AHRR: variants seen among roughly 807,000 people sequenced by gnomAD.
AHRR encodes ahR repressor.
Under a neutral mutation model 44.0 loss-of-function variants are expected in AHRR, and 28 were observed. The ratio of observed to expected loss-of-function variants is 0.64; its 90% confidence interval spans 0.47 to 0.87. AHRR has a LOEUF of 0.87. Among genes scored for constraint, AHRR ranks in the 40% least tolerant of loss-of-function variants. The pLI is 0.00. For missense variants in AHRR, 990 were observed against 953.9 expected (o/e 1.04, Z -0.50); for synonymous variants, 434 against 407.0 (o/e 1.07, Z -0.80).
At chr5:332,240 G>A (rs376804982) in intron 1 of AHRR, among the ~76,000 whole-genome samples, 1 of 142,678 alleles carries the variant, frequency 7.0e-6, no homozygotes, top group East Asian at 2.1e-4. Context: ...AGGAAAAAAA[G>A]AAGAAAGAAA....
At position 387,400 on chromosome 5, in the gene AHRR, G is replaced by GA. The variant is rs2126462490; in HGVS notation, c.351+10690dup. On this transcript the variant is annotated intron_variant, in intron 4 of 10. Coordinates refer to ENST00000684583, the MANE Select transcript of AHRR (RefSeq NM_001377236.1). This position sits in a 1 kb window ranked among gnomAD's most constrained non-coding sequence, Gnocchi z 5.1. ...GGACAAAGTGGTGAGAGAAAGGGAG[G>GA]AAAAAATAATGAGGATTGCCCTCTT... is the stretch of plus-strand genomic sequence containing the variant. 6.6e-6 allele frequency among the ~76,000 whole-genome samples: 1 copy of GA among 152,332 alleles called. No homozygotes were observed. Among genetic ancestry groups the GA allele is most frequent in the South Asian group, 2.1e-4 (1 of 4,826 alleles).
Position 422,849 on chromosome 5 carries a change from T to C in AHRR, c.562T>C (p.Leu188=). The change falls in exon 6 of 11, where the codon TTG becomes CTG. Residue 188 remains leucine (L), a synonymous_variant. Coordinates refer to ENST00000684583, the MANE Select transcript of AHRR (RefSeq NM_001377236.1). ...PQVVFGQPPP[L]ETGDDAILGR... ...GGTGGTGTTTGGGCAGCCCCCGCCC[T>C]TGGAGACAGGTGGGTGTCTGGGGTC... The C allele has an allele frequency of 2.5e-6, 4 of 1,611,086 alleles. No homozygotes were observed. The highest frequency in any genetic ancestry group is 3.4e-6 in the Non-Finnish European group (4 of 1,178,108).
chr5:343,551 C>T lies in AHRR; in HGVS notation c.-10-342C>T, dbSNP rs1016200985. On this transcript the variant is annotated intron_variant, in intron 1 of 10. Transcript: ENST00000684583. ...GGCCTTGGCTGCGCCCCGCCCCGCCCGTTCCTGGCTTCCTCGATGGCTTCC... is the reference window on the plus strand; with the variant it reads ...GGCCTTGGCTGCGCCCCGCCCCGCCTGTTCCTGGCTTCCTCGATGGCTTCC... 4.0e-5 allele frequency: 13 copies of T among 327,090 alleles called. No homozygotes were observed. The South Asian group carries it at 4.6e-4, about 12-fold the overall frequency. The allele number at this position is 327,090 out of a possible 1,614,324, so 20.3% of individuals were successfully genotyped here.
chr5:330,514 C>T (rs1202297594), intron 1 of AHRR, among the ~76,000 whole-genome samples: 1 of 152,088 alleles, frequency 6.6e-6, no homozygotes, highest in Non-Finnish European at 1.5e-5. Context: ...GCTAGGCTTA[C>T]AGGTGCACAC....
chr5:432,937 G>T lies in AHRR; in HGVS notation c.1102G>T (p.Gly368Trp), dbSNP rs762536183. The T allele has an allele frequency of 2.5e-6, 4 of 1,605,442 alleles. No homozygotes were observed. The African/African-American group carries it at 5.4e-5, about 21-fold the overall frequency. The change falls in exon 10 of 11, where the codon GGG becomes TGG. Residue 368 changes from glycine to tryptophan, a missense_variant. Coordinates refer to ENST00000684583, the MANE Select transcript of AHRR (RefSeq NM_001377236.1). Reference protein sequence around the residue: ...GGPDLVLDPKGGSGDREEEQH... With the variant: ...GGPDLVLDPKWGSGDREEEQH... ...CCCTGACCTTGTCCTTGACCCCAAG[G>T]GGGGCTCAGGGTAAGTGGTGCCAGG... is the stretch of plus-strand genomic sequence containing the variant.
intron 4 of AHRR, among the ~76,000 whole-genome samples, chr5:397,763 C>T (rs1734802163): frequency 7.8e-6 from 1 of 127,814 alleles, no homozygotes; most frequent in East Asian, 2.4e-4. Flanking sequence ...CCATGTTAGC[C>T]CCTGACCGTC....
chr5:328,671 A>G (rs1455309578), intron 1 of AHRR, among the ~76,000 whole-genome samples: 1 of 151,956 alleles, frequency 6.6e-6, no homozygotes, highest in Non-Finnish European at 1.5e-5. Flanking sequence ...GGCCATTTGT[A>G]TCTCTTCTTT....
intron 1 of AHRR, among the ~76,000 whole-genome samples, chr5:332,995 CT>C (rs1472447762): frequency 6.9e-6 from 1 of 144,428 alleles, no homozygotes; most frequent in East Asian, 2.0e-4. Flanking sequence ...AGTATAGCTA[CT>C]GCTGTTCGCT....
At chr5:325,919 A>G (rs1741690290) in intron 1 of AHRR, among the ~76,000 whole-genome samples, 2 of 152,118 alleles carry the variant, frequency 1.3e-5, no homozygotes, top group South Asian at 4.1e-4. Context: ...AGTAGCTGGG[A>G]TTACAGGCAC....
Position 395,880 on chromosome 5 carries a change from C to T in AHRR, c.352-17464C>T, listed in dbSNP as rs1734680924. Among the ~76,000 whole-genome samples the T allele has an allele frequency of 6.6e-6, 1 of 152,206 alleles. No homozygotes were observed. The highest frequency in any genetic ancestry group is 2.1e-4 in the South Asian group (1 of 4,830). ...GTGAAGCAAAAGGGATGAGCGTCCC[C>T]TTCCTCCAGCTTCCTCCATGCAGTG... On this transcript the variant is annotated intron_variant, in intron 4 of 10. Transcript: ENST00000684583. The surrounding 1 kb of genome is among the most constrained non-coding windows in gnomAD (Gnocchi z 5.3).
intron 5 of AHRR, chr5:420,859 C>G (rs1341446436): frequency 2.9e-6 from 1 of 341,510 alleles, no homozygotes. Context: ...GACCCACGCA[C>G]GCAGCCACCC....
chr5:372,970 C>CA (rs1439785318), intron 3 of AHRR, among the ~76,000 whole-genome samples: 2 of 152,372 alleles, frequency 1.3e-5, no homozygotes, highest in East Asian at 3.9e-4. Context: ...GGGAGCCACT[C>CA]TGCTCCAGCC....
At chr5:354,053 A>C (rs1168965234) in intron 3 of AHRR, 142 bp downstream of exon 3, 3 of 926,438 alleles carry the variant, frequency 3.2e-6, no homozygotes, top group Non-Finnish European at 4.8e-6. Flanking sequence ...CTGCCCCCAG[A>C]ACCTGGAGAC....
At chr5:330,070 T>A (rs1040216258) in intron 1 of AHRR, among the ~76,000 whole-genome samples, 2 of 152,202 alleles carry the variant, frequency 1.3e-5, no homozygotes, top group Non-Finnish European at 2.9e-5. Context: ...GCTTTCAACT[T>A]TTCCTCATTC....
At chr5:375,830 T>G (rs548364105) in intron 3 of AHRR, among the ~76,000 whole-genome samples, 1 of 152,302 alleles carries the variant, frequency 6.6e-6, no homozygotes, top group Non-Finnish European at 1.5e-5. Flanking sequence ...AGTGAGCACC[T>G]GTGCTGGGTC....
intron 3 of AHRR, among the ~76,000 whole-genome samples, chr5:374,397 C>G (rs1416403300): frequency 6.6e-6 from 1 of 152,198 alleles, no homozygotes; most frequent in Non-Finnish European, 1.5e-5. Context: ...TCTGAACACG[C>G]GTATTGTGTG....
Position 434,352 on chromosome 5 carries a change from G to A in AHRR, c.1612G>A (p.Asp538Asn). ...AGATGTGTCCATCAAGATGGAGAAG[G>A]ACTCTGGGTGTGAGGGTGCTGCAGA... ...LLDVSIKMEK[D>N]SGCEGAADGC... The change falls in exon 11 of 11, where the codon GAC (aspartate) becomes AAC (asparagine). Residue 538 changes from aspartate to asparagine, a missense_variant. Coordinates refer to ENST00000684583, the MANE Select transcript of AHRR (RefSeq NM_001377236.1). The A allele has an allele frequency of 6.2e-7, 1 of 1,613,368 alleles. No individual in the cohort carries two copies. The highest frequency in any genetic ancestry group is 1.1e-5 in the South Asian group (1 of 91,014).
rs1190847833 is a variant in AHRR at position 370,273 on chromosome 5, G to A, written c.245-6337G>A. Among the ~76,000 whole-genome samples, 2 of 151,954 alleles carry A rather than the reference G, an allele frequency of 1.3e-5. No individual in the cohort carries two copies. Among genetic ancestry groups the A allele is most frequent in the East Asian group, 3.9e-4 (2 of 5,168 alleles). On this transcript the variant is annotated intron_variant, in intron 3 of 10. Coordinates refer to ENST00000684583, the MANE Select transcript of AHRR (RefSeq NM_001377236.1). This position sits in a 1 kb window ranked among gnomAD's most constrained non-coding sequence, Gnocchi z 4.5. ...TGGTGCCCCGACCTCCTGGGCCCTC[G>A]CTGGAAGCTCTGCTCATTTACTCCC...
rs1733709925 is a variant in AHRR at position 376,628 on chromosome 5, C to T, written c.263C>T (p.Ser88Leu). ...CTGACAGTCGTGCAGGAGCAGAGCT[C>T]ACGGCAGCCTGCGGCCGGCGCCCCC... Reference protein sequence around the residue: ...SFFQVVQEQSSRQPAAGAPSP... With the variant: ...SFFQVVQEQSLRQPAAGAPSP... Residue 88 changes from serine to leucine, a missense_variant, in exon 4 of 11, where the codon TCA becomes TTA. By Grantham distance (145) the Ser-to-Leu change is moderately radical. Transcript: ENST00000684583. The T allele has an allele frequency of 9.6e-7, 1 of 1,045,166 alleles. No homozygotes were observed. The highest frequency in any genetic ancestry group is 1.2e-6 in the Non-Finnish European group (1 of 853,440). The allele number at this position is 1,045,166 out of a possible 1,614,324, so 64.7% of individuals were successfully genotyped here.
Sources: gnomAD v4.1 joint callset for allele counts (sites outside exome capture counted in the v4.1 genomes callset) on GRCh38, gnomAD v4.1.1 for gene constraint, Gnocchi (gnomAD v3.1) non-coding constraint, MANE v1.5 for transcripts, NCBI Gene and HGNC (gene_info 2026-07-23, HGNC 2026-07-21) for gene names.